The following ZC3H8 variants were observed in gnomAD, a reference collection of about 807,000 sequenced individuals.
The protein encoded by ZC3H8 is zinc finger CCCH-type containing 8.
Under a neutral mutation model 42.5 loss-of-function variants are expected in ZC3H8, and 27 were observed. The ratio of observed to expected loss-of-function variants is 0.64; its 90% CI spans 0.47 to 0.88. ZC3H8 has a LOEUF of 0.88. Among genes scored for constraint, ZC3H8 ranks in the 40% least tolerant of loss-of-function variants. ZC3H8 has a pLI of 0.00. For missense variants in ZC3H8, 277 were observed against 336.1 expected (o/e 0.82, Z 1.37); for synonymous variants, 101 against 110.1 (o/e 0.92, Z 0.52).
At chr2:112,248,409 T>C (rs1342208060) in intron 2 of ZC3H8, among the ~76,000 whole-genome samples, 1 of 152,100 alleles carries the variant, frequency 6.6e-6, no homozygotes. Flanking sequence ...GCAAGAAAGC[T>C]AAGTAAAAGA....
intron 8 of ZC3H8, among the ~76,000 whole-genome samples, chr2:112,227,657 ATAAAT>A (rs1158381171): frequency 6.6e-6 from 1 of 152,252 alleles, no homozygotes; most frequent in Non-Finnish European, 1.5e-5. Context: ...AATAACAGAA[ATAAAT>A]TCTATTTCTA....
rs1465169186 is a variant in ZC3H8 at position 112,213,410 on chromosome 2, A to G, written c.*3074T>C. ...AACATCTCGGGGTCTGAATTCCTAA[A>G]GTTCTACAATTGGATCAAGTTAAAA... is the stretch of plus-strand genomic sequence containing the variant. On this transcript the variant is annotated 3_prime_UTR_variant, in exon 9 of 9. Transcript: ENST00000409573. 6.6e-6 allele frequency: 1 copy of G among 152,084 alleles called. No individual in the cohort carries two copies. Among genetic ancestry groups the G allele is most frequent in the East Asian group, 1.9e-4 (1 of 5,190 alleles). The allele number at this position is 152,084 out of a possible 1,614,324, so 9.4% of individuals were successfully genotyped here. A position where few individuals can be genotyped will look rare whatever the true frequency, so the allele number is the denominator to read the frequency against.
chr2:112,235,348 G>GA (rs1685273672), intron 4 of ZC3H8, among the ~76,000 whole-genome samples: 1 of 152,110 alleles, frequency 6.6e-6, no homozygotes, highest in Non-Finnish European at 1.5e-5. Flanking sequence ...TCCTTGTGTA[G>GA]AAGGGCTGTC....
intron 8 of ZC3H8, among the ~76,000 whole-genome samples, chr2:112,218,383 A>T (rs1684423437): frequency 6.6e-6 from 1 of 152,140 alleles, no homozygotes; most frequent in African/African-American, 2.4e-5. Flanking sequence ...TGTTTGCCTT[A>T]TTGAGTATGG....
chr2:112,251,015 A>G (rs542145668), intron 1 of ZC3H8, among the ~76,000 whole-genome samples: 6 of 152,364 alleles, frequency 3.9e-5, no homozygotes, highest in Non-Finnish European at 5.9e-5. Flanking sequence ...GATGGGAAAT[A>G]TAAGAACATG....
At chr2:112,240,952 A>AGT (rs67273091) in intron 2 of ZC3H8, among the ~76,000 whole-genome samples, 11,948 of 142,590 alleles carry the variant, frequency 0.084, 745 homozygotes, top group African/African-American at 0.19. Context: ...TACAGGTAAC[A>AGT]GTGTGTGTGT....
chr2:112,217,371 AG>A (rs1244659805), intron 8 of ZC3H8, among the ~76,000 whole-genome samples: 1 of 152,350 alleles, frequency 6.6e-6, no homozygotes, highest in East Asian at 1.9e-4. Flanking sequence ...TCAAAAAAAA[AG>A]AAAAGCTAAA....
chr2:112,253,442 T>G (rs945106735), intron 1 of ZC3H8, among the ~76,000 whole-genome samples: 2 of 152,194 alleles, frequency 1.3e-5, no homozygotes, highest in Non-Finnish European at 2.9e-5. Context: ...AAAAGACTGA[T>G]TCATCTGACT....
chr2:112,214,247 A>C lies in ZC3H8; in HGVS notation c.*2237T>G, dbSNP rs1170034544. ...AGGTGTGAGCCACCGCGCCCAGCTA[A>C]GAATTGTTTTTATGAAATTATTGAG... On this transcript the variant is annotated 3_prime_UTR_variant, in exon 9 of 9. Coordinates refer to ENST00000409573, the MANE Select transcript of ZC3H8 (RefSeq NM_032494.3). The C allele has an allele frequency of 6.6e-6, 1 of 152,156 alleles. No individual in the cohort carries two copies. The highest frequency in any genetic ancestry group is 1.5e-5 in the Non-Finnish European group (1 of 68,074). The allele number at this position is 152,156 out of a possible 1,614,324, so 9.4% of individuals were successfully genotyped here. A position where few individuals can be genotyped will look rare whatever the true frequency, so the allele number is the denominator to read the frequency against.
chr2:112,244,768 A>G (rs1202742393), intron 2 of ZC3H8, among the ~76,000 whole-genome samples: 1 of 152,246 alleles, frequency 6.6e-6, no homozygotes, highest in Non-Finnish European at 1.5e-5. Flanking sequence ...CCATGCCCAC[A>G]TAAGATGGCG....
rs1684280492 is a variant in ZC3H8 at position 112,215,299 on chromosome 2, A to G, written c.*1185T>C. 6.6e-6 allele frequency: 1 copy of G among 152,244 alleles called. No individual in the cohort carries two copies. Among genetic ancestry groups the G allele is most frequent in the Admixed American group, 6.5e-5 (1 of 15,284 alleles). The allele number at this position is 152,244 out of a possible 1,614,324, so 9.4% of individuals were successfully genotyped here. The stretch of plus-strand genomic sequence containing the variant: ...CCCACCTCCCGAGCCACAGCTGAGA[A>G]GCGAACCAATCAACCTGGGCAGACA... On this transcript the variant is annotated 3_prime_UTR_variant, in exon 9 of 9. Coordinates refer to ENST00000409573, the MANE Select transcript of ZC3H8 (RefSeq NM_032494.3).
chr2:112,219,006 G>T (rs1684462444), intron 8 of ZC3H8, among the ~76,000 whole-genome samples: 1 of 152,134 alleles, frequency 6.6e-6, no homozygotes, highest in South Asian at 2.1e-4. Context: ...AGACAATATT[G>T]TTAAGATGTT....
At position 112,212,549 on chromosome 2, in the gene ZC3H8, C is replaced by T. The variant is rs1382180685; in HGVS notation, c.*3935G>A. 6.6e-6 allele frequency: 1 copy of T among 152,100 alleles called. No homozygotes were observed. The highest frequency in any genetic ancestry group is 6.5e-5 in the Admixed American group (1 of 15,270). 9.4% of individuals were successfully genotyped at this position (152,100 alleles called of 1,614,324 possible). On this transcript the variant is annotated 3_prime_UTR_variant, in exon 9 of 9. Transcript: ENST00000409573. ...TAGTAGACAACCCAAATCAAAATGGCTTCAACAATAATGAAAATATATTAT... is the reference window on the plus strand; with the variant it reads ...TAGTAGACAACCCAAATCAAAATGGTTTCAACAATAATGAAAATATATTAT...
chr2:112,217,914 G>C (rs887842999), intron 8 of ZC3H8, among the ~76,000 whole-genome samples: 1 of 151,862 alleles, frequency 6.6e-6, no homozygotes, highest in African/African-American at 2.4e-5. Context: ...ATGTGTGTCT[G>C]GTTTCTTGTG....
chr2:112,217,080 A>T (rs1356230168), intron 8 of ZC3H8, among the ~76,000 whole-genome samples: 1 of 152,204 alleles, frequency 6.6e-6, no homozygotes, highest in African/African-American at 2.4e-5. Flanking sequence ...CAGAAAAGCT[A>T]AAAACAGACC....
At chr2:112,244,505 G>C (rs1319754736) in intron 2 of ZC3H8, among the ~76,000 whole-genome samples, 2 of 152,174 alleles carry the variant, frequency 1.3e-5, no homozygotes, top group African/African-American at 4.8e-5. Context: ...TATCTACAAA[G>C]AAAGTTATAG....
rs1329963545 is a variant in ZC3H8, at chr2:112,212,208, C to G, written c.*4276G>C. On this transcript the variant is annotated 3_prime_UTR_variant, in exon 9 of 9. Transcript: ENST00000409573. The stretch of plus-strand genomic sequence containing the variant: ...AAAGGGAGACAGCTCCCCAGGGCCT[C>G]TTTTATAAGGGCACTAATCCCATTC... The G allele has an allele frequency of 1.3e-5, 2 of 152,202 alleles. No homozygotes were observed. The highest frequency in any genetic ancestry group is 4.8e-5 in the African/African-American group (2 of 41,424). 9.4% of individuals were successfully genotyped at this position (152,202 alleles called of 1,614,324 possible). A position where few individuals can be genotyped will look rare whatever the true frequency, so the allele number is the denominator to read the frequency against.
At chr2:112,244,199 T>C (rs1471205980) in intron 2 of ZC3H8, among the ~76,000 whole-genome samples, 2 of 152,088 alleles carry the variant, frequency 1.3e-5, no homozygotes, top group Non-Finnish European at 2.9e-5. Flanking sequence ...TACAAAGATA[T>C]TAGAATGAAA....
In ZC3H8 at chr2:112,224,163, C is replaced by T. The variant is rs144883405; in HGVS notation, c.*15+6740G>A. 7.8e-3 allele frequency among the ~76,000 whole-genome samples: 1,183 copies of T among 152,134 alleles called. 16 individuals are homozygous for T. The highest frequency in any genetic ancestry group is 8.2e-3 in the Non-Finnish European group (555 of 67,990). Reference sequence around the variant, plus strand: ...GTCTCAAAAGGCATTAATATTTTGACATAATATTAATGATATTTGAAAACT... The same window carrying T: ...GTCTCAAAAGGCATTAATATTTTGATATAATATTAATGATATTTGAAAACT... On this transcript the variant is annotated intron_variant, in intron 8 of 8. Coordinates refer to ENST00000409573, the MANE Select transcript of ZC3H8 (RefSeq NM_032494.3).
Sources: gnomAD v4.1 joint callset for allele counts (sites outside exome capture counted in the v4.1 genomes callset) on GRCh38, gnomAD v4.1.1 for gene constraint, MANE v1.5 for transcripts, NCBI Gene and HGNC (gene_info 2026-07-23, HGNC 2026-07-21) for gene names.